Variants in TAF1D observed in about 807,000 individuals in gnomAD.
TAF1D encodes the protein TATA box-binding protein-associated factor RNA polymerase I subunit D.
Under a neutral mutation model 26.2 loss-of-function variants are expected in TAF1D, and 23 were observed. The ratio of observed to expected loss-of-function variants is 0.88; its 90% CI spans 0.63 to 1.25. The LOEUF (loss-of-function observed/expected upper bound fraction) is 1.25. Among genes scored for constraint, TAF1D ranks in the 50% most tolerant of loss-of-function variants. TAF1D has a pLI of 0.00. For missense variants in TAF1D, 299 were observed against 322.0 expected (o/e 0.93, Z 0.55); for synonymous variants, 100 against 105.6 (o/e 0.95, Z 0.33).
At chr11:93,734,657 A>C (rs1940281954), downstream of TAF1D, 1 of 1,108,230 alleles carries the variant, frequency 9.0e-7, no homozygotes, top group African/African-American at 1.6e-5. Flanking sequence ...CTCAAGATAA[A>C]AGCCTTTAAA....
chr11:93,738,569 TA>T (rs1161472307), intron 2 of TAF1D, 70 bp from the exon 3 acceptor site: 1 of 1,415,900 alleles, frequency 7.1e-7, no homozygotes, highest in African/African-American at 1.4e-5. Context: ...TACCCAGTCC[TA>T]AATGTACATT....
At chr11:93,732,144 C>CTTTA (rs1555015324), downstream of TAF1D, 1 of 517,992 alleles carries the variant, frequency 1.9e-6, no homozygotes, top group South Asian at 1.4e-5. Flanking sequence ...TTGTAAAAGT[C>CTTTA]TTTAAAGCTT....
chr11:93,733,746 C>T (rs528050999), downstream of TAF1D: 8 of 316,208 alleles, frequency 2.5e-5, no homozygotes, highest in Non-Finnish European at 5.0e-5. Context: ...TAGCCTCAAA[C>T]CGCTGGGCTC....
chr11:93,736,681 A>C lies in TAF1D; in HGVS notation c.693+13T>G. 6.2e-7 allele frequency: 1 copy of C among 1,610,278 alleles called. No homozygotes were observed. ...CTTCCCAAAATGGAATAGGAAAAAA[A>C]TAAGTCACTTACTGCCAATTTGATA... On this transcript the variant is annotated intron_variant, in intron 5 of 5. Transcript: ENST00000448108.
chr11:93,736,565 T>G, intron 5 of TAF1D, 129 bp downstream of exon 5: 1 of 1,434,370 alleles, frequency 7.0e-7, no homozygotes, highest in South Asian at 1.6e-5. Flanking sequence ...TTCTTGCATT[T>G]CCTGCAGTAA....
At chr11:93,730,986 C>T (rs570299511), downstream of TAF1D, 140 of 516,752 alleles carry the variant, frequency 2.7e-4, 1 homozygote, top group South Asian at 1.9e-3. Flanking sequence ...ATCAACTGTT[C>T]CCAATAAGCT....
Position 93,735,808 on chromosome 11 carries a change from G to T in TAF1D, c.*353C>A, listed in dbSNP as rs1369327269. 1.9e-6 allele frequency: 2 copies of T among 1,066,792 alleles called. No homozygotes were observed. Among genetic ancestry groups the T allele is most frequent in the Non-Finnish European group, 2.3e-6 (2 of 881,230 alleles). The allele number at this position is 1,066,792 out of a possible 1,614,324, so 66.1% of individuals were successfully genotyped here. On this transcript the variant is annotated 3_prime_UTR_variant, in exon 6 of 6. Transcript: ENST00000448108. Reference sequence around the variant, plus strand: ...CATTTCAAATCCCCTCTTCAAGATGGTTGGGTGTCAAGTTACTTTAAGATT... The same window carrying T: ...CATTTCAAATCCCCTCTTCAAGATGTTTGGGTGTCAAGTTACTTTAAGATT...
downstream of TAF1D, chr11:93,731,025 C>G (rs751746840): frequency 9.6e-6 from 5 of 518,832 alleles, no homozygotes; most frequent in African/African-American, 7.7e-5. Context: ...AGATAGAAAA[C>G]CTACTGGGAA....
At chr11:93,730,316 T>A in exon 12 of TAF1D, 1 of 1,248,888 alleles carries the variant, frequency 8.0e-7, no homozygotes, top group Non-Finnish European at 1.1e-6. Context: ...ATATGTAGCA[T>A]TAGACAAAAT....
At chr11:93,739,961 C>CAAAAAAAAAA (rs67574108) in intron 1 of TAF1D, among the ~76,000 whole-genome samples, 22 of 82,370 alleles carry the variant, frequency 2.7e-4, no homozygotes, top group African/African-American at 4.8e-4. Context: ...TACAACATAC[C>CAAAAAAAAAA]AAAAAAAAAA....
downstream of TAF1D, chr11:93,733,568 AG>A: frequency 1.9e-6 from 1 of 518,944 alleles, no homozygotes. Context: ...TGCAGGCTAC[AG>A]GAAAAGCCCC....
intron 3 of TAF1D, 52 bp from the exon 4 acceptor site, chr11:93,737,291 G>A: frequency 1.5e-6 from 2 of 1,365,340 alleles, no homozygotes; most frequent in Non-Finnish European, 2.0e-6. Context: ...TTAAGACCCA[G>A]CAGGTGCCTA....
chr11:93,737,288 C>T (rs762711866), intron 3 of TAF1D, 49 bp from the exon 4 acceptor site: 1 of 1,368,494 alleles, frequency 7.3e-7, no homozygotes, highest in South Asian at 1.5e-5. Flanking sequence ...TTTTTAAGAC[C>T]CAGCAGGTGC....
chr11:93,739,347 T>A lies in TAF1D; in HGVS notation c.-27-16A>T. The stretch of plus-strand genomic sequence containing the variant: ...AAACAGTTTTCTGAAATTATGAAAT[T>A]TAGTAAATATGACAAAGCTTCCCTA... On this transcript the variant is annotated splice_polypyrimidine_tract_variant and intron_variant, in intron 1 of 5. Coordinates refer to ENST00000448108, the MANE Select transcript of TAF1D (RefSeq NM_024116.4). 1 of 1,560,444 alleles carries A rather than the reference T, an allele frequency of 6.4e-7. No individual in the cohort carries two copies. The highest frequency in any genetic ancestry group is 8.8e-7 in the Non-Finnish European group (1 of 1,138,880).
chr11:93,730,296 T>TTAATTGTGTATATG (rs779684789), exon 12 of TAF1D: 1 of 1,470,000 alleles, frequency 6.8e-7, no homozygotes, highest in African/African-American at 1.4e-5. Flanking sequence ...TAAAGGTTTT[T>TTAATTGTGTATATG]TAATTGTGTA....
chr11:93,731,228 T>G, downstream of TAF1D: 1 of 390,938 alleles, frequency 2.6e-6, no homozygotes, highest in Non-Finnish European at 5.0e-6. Flanking sequence ...TGTGGAAAAA[T>G]GTGTATTTCA....
Position 93,735,980 on chromosome 11 carries a change from C to G in TAF1D, c.*181G>C, listed in dbSNP as rs574035419. The G allele has an allele frequency of 5.0e-4, 684 of 1,360,344 alleles. 1 individual carries two copies. Among genetic ancestry groups the G allele is most frequent in the Non-Finnish European group, 5.6e-4 (590 of 1,061,756 alleles). 84.3% of individuals were successfully genotyped at this position (1,360,344 alleles called of 1,614,324 possible). ...TTAATGGTTTTTTTTCTAATTATTA[C>G]TACTTCACAAGTTTCTTTCACAAAC... is the stretch of plus-strand genomic sequence containing the variant. On this transcript the variant is annotated 3_prime_UTR_variant, in exon 6 of 6. Transcript: ENST00000448108.
At chr11:93,736,541 A>T in intron 5 of TAF1D, 153 bp downstream of exon 5, 2 of 1,422,128 alleles carry the variant, frequency 1.4e-6, no homozygotes, top group South Asian at 3.3e-5. Context: ...CAAGTCTCTA[A>T]AAAATTATTT....
At chr11:93,735,229 T>A (rs931750874), downstream of TAF1D, 2 of 1,350,514 alleles carry the variant, frequency 1.5e-6, no homozygotes, top group Non-Finnish European at 2.0e-6. Context: ...AAAACATACA[T>A]AAGTGCAGTC....
Sources: gnomAD v4.1 joint callset for allele counts (sites outside exome capture counted in the v4.1 genomes callset) on GRCh38, gnomAD v4.1.1 for gene constraint, MANE v1.5 for transcripts, NCBI Gene and HGNC (gene_info 2026-07-23, HGNC 2026-07-21) for gene names.